TLE4: variants seen among roughly 807,000 people sequenced by gnomAD.
TLE4 encodes TLE family member 4, transcriptional corepressor.
Under a neutral mutation model 92.8 loss-of-function variants are expected in TLE4, and 8 were observed. The observed-to-expected ratio is 0.09, with a 90% CI of 0.05 to 0.16. The LOEUF (loss-of-function observed/expected upper bound fraction) is 0.16, where lower values mean the gene tolerates loss of function less well. Among genes scored for constraint, TLE4 ranks in the 10% least tolerant of loss-of-function variants. The pLI, the probability that TLE4 is intolerant of heterozygous loss-of-function variation, is 1.00. For missense variants in TLE4, 675 were observed against 997.6 expected (o/e 0.68, Z 4.36); for synonymous variants, 371 against 374.1 (o/e 0.99, Z 0.10).
At chr9:79,582,840 CTAAGT>C (rs2040052074) in intron 4 of TLE4, among the ~76,000 whole-genome samples, 1 of 152,074 alleles carries the variant, frequency 6.6e-6, no homozygotes, top group South Asian at 2.1e-4. Flanking sequence ...CCTATACTAG[CTAAGT>C]TATTACCAGT....
At chr9:79,635,735 G>A (rs1341489762) in intron 6 of TLE4, among the ~76,000 whole-genome samples, 4 of 152,144 alleles carry the variant, frequency 2.6e-5, no homozygotes, top group Middle Eastern at 3.4e-3. Context: ...AACTGTTGCC[G>A]TCTCTTTTGC....
intron 7 of TLE4, 124 bp downstream of exon 7, chr9:79,652,918 T>C (rs912964632): frequency 9.3e-7 from 1 of 1,076,488 alleles, no homozygotes; most frequent in South Asian, 1.3e-5. Flanking sequence ...GGATTTCCAC[T>C]GGAAGGTAAA....
In TLE4 at chr9:79,579,370, C is replaced by G. The variant is rs2038964566; in HGVS notation, c.252+3193C>G. Among the ~76,000 whole-genome samples the G allele has an allele frequency of 2.0e-5, 3 of 152,170 alleles. No homozygotes were observed. In the South Asian group the frequency reaches 6.2e-4, roughly 32 times the overall value. ...TTAAAGAAGTCCTCACTGATGGACT[C>G]TGACAGCAGTGGTTACCATTCTAAA... is the stretch of plus-strand genomic sequence containing the variant. On this transcript the variant is annotated intron_variant, in intron 4 of 19. Coordinates refer to ENST00000376552, the MANE Select transcript of TLE4 (RefSeq NM_007005.6).
intron 6 of TLE4, among the ~76,000 whole-genome samples, chr9:79,642,468 G>A (rs992434502): frequency 6.6e-5 from 10 of 151,688 alleles, no homozygotes; most frequent in African/African-American, 2.4e-4. Context: ...ACTAAAGAAA[G>A]CTTTTCTGAG....
chr9:79,608,346 G>T (rs2047581421), intron 4 of TLE4, among the ~76,000 whole-genome samples: 1 of 151,958 alleles, frequency 6.6e-6, no homozygotes, highest in African/African-American at 2.4e-5. Context: ...TAGAAAATTT[G>T]GAACAAATCA....
intron 4 of TLE4, among the ~76,000 whole-genome samples, chr9:79,590,362 G>A (rs2042248883): frequency 6.6e-6 from 1 of 152,164 alleles, no homozygotes; most frequent in South Asian, 2.1e-4. Flanking sequence ...TTCTGGGCAT[G>A]GGGAGGTAAA....
At chr9:79,628,413 G>T (rs554764102) in intron 6 of TLE4, among the ~76,000 whole-genome samples, 1 of 152,094 alleles carries the variant, frequency 6.6e-6, no homozygotes, top group Admixed American at 6.5e-5. Flanking sequence ...GTGGATAAGG[G>T]TCGCCTGATA....
At position 79,607,144 on chromosome 9, in the gene TLE4, A is replaced by T. The variant is rs10124789; in HGVS notation, c.253-5512A>T. Among the ~76,000 whole-genome samples, 1,319 of 152,170 alleles carry T rather than the reference A, an allele frequency of 8.7e-3. 20 individuals are homozygous for T. The highest frequency in any genetic ancestry group is 0.031 in the African/African-American group (1,275 of 41,532). The stretch of plus-strand genomic sequence containing the variant: ...TGACCAGTGATGAGCATTTTTTCAT[A>T]TGTCTGTTGACTGCATAAATGTCTT... On this transcript the variant is annotated intron_variant, in intron 4 of 19. Transcript: ENST00000376552.
At position 79,706,392 on chromosome 9, in the gene TLE4, CT is replaced by C. The variant is rs911130463; in HGVS notation, c.784-344del. Among the ~76,000 whole-genome samples the C allele has an allele frequency of 2.2e-3, 315 of 146,176 alleles. 1 individual carries two copies. Among genetic ancestry groups the C allele is most frequent in the Middle Eastern group, 7.1e-3 (2 of 282 alleles). ...ACTACTGATTTTATATGTTATTGAT[CT>C]TTTTTTTTTTCATTGTTCTTATTCT... On this transcript the variant is annotated intron_variant, in intron 10 of 19. Transcript: ENST00000376552.
chr9:79,705,972 A>T (rs4877147), intron 10 of TLE4, 30 bp downstream of exon 10: 1,429,932 of 1,611,228 alleles, frequency 0.89, 635,533 homozygotes, highest in Middle Eastern at 0.91. Flanking sequence ...AATTTTTTGC[A>T]CTTGCCCAGC....
chr9:79,608,813 A>C (rs1480193518), intron 4 of TLE4, among the ~76,000 whole-genome samples: 3 of 152,058 alleles, frequency 2.0e-5, no homozygotes, highest in Non-Finnish European at 4.4e-5. Flanking sequence ...TATCCGTTTG[A>C]TTACTAAAAT....
chr9:79,610,602 G>T (rs1311569379), intron 4 of TLE4, among the ~76,000 whole-genome samples: 2 of 151,988 alleles, frequency 1.3e-5, no homozygotes, highest in African/African-American at 4.8e-5. Flanking sequence ...ACAACTTAAA[G>T]AAATTAAGAA....
In TLE4 at chr9:79,652,689, A is replaced by C. The variant is rs931317355; in HGVS notation, c.487A>C (p.Ile163Leu). 1 of 1,613,904 alleles carries C rather than the reference A, an allele frequency of 6.2e-7. No homozygotes were observed. The highest frequency in any genetic ancestry group is 8.5e-7 in the Non-Finnish European group (1 of 1,180,004). Reference protein sequence around the residue: ...SGLQPPAIPPIGSSAGLLALS... With the variant: ...SGLQPPAIPPLGSSAGLLALS... ...GCTCCAGCCCCCTGCCATTCCACCCATCGGTAGCAGTGCCGGGCTTCTGGC... is the reference window on the plus strand; with the variant it reads ...GCTCCAGCCCCCTGCCATTCCACCCCTCGGTAGCAGTGCCGGGCTTCTGGC... Residue 163 changes from isoleucine (I) to leucine (L), a missense_variant, in exon 7 of 20, where the codon ATC becomes CTC. By Grantham distance (5) the Ile-to-Leu change is conservative. Coordinates refer to ENST00000376552, the MANE Select transcript of TLE4 (RefSeq NM_007005.6).
At chr9:79,649,621 A>G in intron 6 of TLE4, 1 of 253,980 alleles carries the variant, frequency 3.9e-6, no homozygotes, top group South Asian at 4.5e-5. Context: ...TGGCCTTTGA[A>G]AGGAAAAGGA....
intron 8 of TLE4, among the ~76,000 whole-genome samples, chr9:79,694,793 G>C (rs577515157): frequency 6.6e-5 from 10 of 151,532 alleles, no homozygotes; most frequent in South Asian, 6.2e-4. Context: ...AAAAAAGCAG[G>C]GGGGAGGACT....
At chr9:79,696,574 A>C (rs1012210288) in intron 8 of TLE4, among the ~76,000 whole-genome samples, 2 of 152,196 alleles carry the variant, frequency 1.3e-5, no homozygotes, top group East Asian at 3.8e-4. Flanking sequence ...ATACATAAGA[A>C]TATATATGAG....
At chr9:79,668,557 G>A (rs992235799) in intron 8 of TLE4, among the ~76,000 whole-genome samples, 16 of 152,106 alleles carry the variant, frequency 1.1e-4, no homozygotes, top group African/African-American at 3.6e-4. Context: ...AAAAAGCCAC[G>A]CTCTTTACCA....
At chr9:79,610,968 G>C (rs546576424) in intron 4 of TLE4, among the ~76,000 whole-genome samples, 10 of 152,148 alleles carry the variant, frequency 6.6e-5, no homozygotes, top group South Asian at 2.1e-4. Context: ...ATGCTTGGCA[G>C]ATGGTTCTAA....
chr9:79,572,389 G>C lies in TLE4; in HGVS notation c.-402G>C, dbSNP rs973972610. 6.6e-6 allele frequency: 1 copy of C among 152,214 alleles called. No homozygotes were observed. Among genetic ancestry groups the C allele is most frequent in the Non-Finnish European group, 1.5e-5 (1 of 68,122 alleles). 9.4% of individuals were successfully genotyped at this position (152,214 alleles called of 1,614,324 possible). A position where few individuals can be genotyped will look rare whatever the true frequency, so the allele number is the denominator to read the frequency against. ...TTAAAAGACAAATAAAAAAAGTTTG[G>C]AGTGGGACGCAGAGCGAGCGAGAGG... On this transcript the variant is annotated 5_prime_UTR_variant, in exon 1 of 20. Coordinates refer to ENST00000376552, the MANE Select transcript of TLE4 (RefSeq NM_007005.6).
Sources: allele counts gnomAD v4.1 joint callset (sites outside exome capture counted in the v4.1 genomes callset), GRCh38; gene constraint gnomAD v4.1.1; transcripts MANE v1.5; gene names NCBI Gene and HGNC (gene_info 2026-07-23, HGNC 2026-07-21).